Variants in DLG1 observed in about 807,000 individuals in gnomAD.
DLG1 encodes the protein discs large MAGUK scaffold protein 1, also known as disks large homolog 1.
DLG1 carries 42 observed loss-of-function variants against 123.4 expected under a neutral mutation model. The observed-to-expected ratio is 0.34, with a 90% confidence interval of 0.27 to 0.44. The LOEUF (loss-of-function observed/expected upper bound fraction) is 0.44, where lower values mean the gene tolerates loss of function less well. DLG1 is among the 20% of genes least tolerant of loss of function. The probability of loss-of-function intolerance (pLI) is 1.00; values close to 1 mark genes in which losing one functional copy is unlikely to be tolerated. For missense variants in DLG1, 942 were observed against 1,082.6 expected (o/e 0.87, Z 1.82); for synonymous variants, 317 against 356.2 (o/e 0.89, Z 1.24).
intron 4 of DLG1, among the ~76,000 whole-genome samples, chr3:197,280,949 G>C (rs1768989343): frequency 6.6e-6 from 1 of 151,784 alleles, no homozygotes; most frequent in Non-Finnish European, 1.5e-5. Context: ...ATCTGGTAAG[G>C]GCCTTCTTGT....
intron 15 of DLG1, among the ~76,000 whole-genome samples, chr3:197,088,130 T>C (rs1755507529): frequency 6.6e-6 from 1 of 152,156 alleles, no homozygotes; most frequent in African/African-American, 2.4e-5. Flanking sequence ...TCCCCCCCTT[T>C]ACCCCACTGT....
intron 3 of DLG1, among the ~76,000 whole-genome samples, chr3:197,286,120 A>C (rs1408052590): frequency 6.6e-6 from 1 of 152,210 alleles, no homozygotes; most frequent in Admixed American, 6.5e-5. Flanking sequence ...CCAATCTAAA[A>C]AGGTTACATA....
chr3:197,112,869 T>C (rs1209021295), intron 13 of DLG1, among the ~76,000 whole-genome samples: 1 of 152,192 alleles, frequency 6.6e-6, no homozygotes, highest in Non-Finnish European at 1.5e-5. Flanking sequence ...TTACTGGGAT[T>C]ATAAGCAAGA....
intron 4 of DLG1, among the ~76,000 whole-genome samples, chr3:197,224,609 C>T (rs1738825767): frequency 6.6e-6 from 1 of 152,154 alleles, no homozygotes; most frequent in African/African-American, 2.4e-5. Context: ...TTTCTATCAG[C>T]AGCATACTTT....
At chr3:197,089,148 A>C (rs150989761) in intron 15 of DLG1, among the ~76,000 whole-genome samples, 48 of 152,348 alleles carry the variant, frequency 3.2e-4, no homozygotes, top group African/African-American at 1.1e-3. Flanking sequence ...AGGAAAATGG[A>C]GGATGCTTGT....
intron 5 of DLG1, among the ~76,000 whole-genome samples, chr3:197,189,038 C>T (rs545269275): frequency 4.6e-5 from 7 of 152,308 alleles, no homozygotes; most frequent in South Asian, 2.1e-4. Flanking sequence ...ATTCCCCAAA[C>T]GAAACAGTCT....
At chr3:197,187,424 C>T (rs1396034575) in intron 5 of DLG1, among the ~76,000 whole-genome samples, 2 of 152,158 alleles carry the variant, frequency 1.3e-5, no homozygotes, top group African/African-American at 4.8e-5. Flanking sequence ...CTAGTGATTT[C>T]ATTATATTCT....
intron 4 of DLG1, among the ~76,000 whole-genome samples, chr3:197,238,290 A>G (rs983077755): frequency 6.6e-6 from 1 of 152,240 alleles, no homozygotes; most frequent in African/African-American, 2.4e-5. Flanking sequence ...GAATATAAAA[A>G]GACAATCAGG....
intron 13 of DLG1, among the ~76,000 whole-genome samples, chr3:197,109,885 T>C (rs1768833189): frequency 6.6e-6 from 1 of 152,234 alleles, no homozygotes; most frequent in Admixed American, 6.5e-5. Context: ...TGAGGATCCC[T>C]TGCACGTGGT....
intron 3 of DLG1, among the ~76,000 whole-genome samples, chr3:197,286,216 G>T (rs1428503401): frequency 6.6e-6 from 1 of 152,174 alleles, no homozygotes; most frequent in Admixed American, 6.5e-5. Context: ...TTTGTGTGGG[G>T]GGTGTAGAAG....
chr3:197,052,922 T>C lies in DLG1; in HGVS notation c.2484-1254A>G, dbSNP rs559304468. ...AAACTGAAGAAACACAAACAAAACT[T>C]ATGAAATAACCAGCAACATTTGAAC... On this transcript the variant is annotated intron_variant, in intron 23 of 24. Transcript: ENST00000667157. 2.6e-5 allele frequency among the ~76,000 whole-genome samples: 4 copies of C among 152,314 alleles called. No individual in the cohort carries two copies. In the South Asian group the frequency reaches 8.3e-4, roughly 32 times the overall value.
intron 6 of DLG1, among the ~76,000 whole-genome samples, chr3:197,146,486 A>G (rs1790803221): frequency 6.6e-6 from 1 of 152,186 alleles, no homozygotes; most frequent in Admixed American, 6.5e-5. Context: ...AAAACCCAGA[A>G]ATAAAGCCAA....
chr3:197,296,642 TA>T (rs199997900), intron 2 of DLG1, 165 bp from the exon 3 acceptor site: 3,303 of 414,384 alleles, frequency 8.0e-3, no homozygotes, highest in East Asian at 0.012. Context: ...GACCAAAAAA[TA>T]AAAAAAAAAA....
At chr3:197,120,791 T>C (rs989952293) in intron 11 of DLG1, among the ~76,000 whole-genome samples, 12 of 152,204 alleles carry the variant, frequency 7.9e-5, no homozygotes, top group African/African-American at 2.9e-4. Context: ...TATTACAGGT[T>C]TGCAGTATCC....
intron 4 of DLG1, among the ~76,000 whole-genome samples, chr3:197,281,353 T>C (rs1275640119): frequency 6.6e-6 from 1 of 152,172 alleles, no homozygotes; most frequent in South Asian, 2.1e-4. Flanking sequence ...GAGGCTCTTT[T>C]ATAAGGGCCT....
chr3:197,203,210 G>A lies in DLG1; in HGVS notation c.319-8621C>T, dbSNP rs546846048. 1.4e-3 allele frequency among the ~76,000 whole-genome samples: 216 copies of A among 152,240 alleles called. 1 individual carries two copies. Among genetic ancestry groups the A allele is most frequent in the South Asian group, 0.011 (55 of 4,828 alleles). On this transcript the variant is annotated intron_variant, in intron 4 of 24. Transcript: ENST00000667157. ...GCCCGGGAGGTTGAGGCTGCAGTGA[G>A]CCATGATCACACCACTGCCCTCCAG...
intron 22 of DLG1, among the ~76,000 whole-genome samples, chr3:197,060,911 C>T (rs777185734): frequency 6.6e-6 from 1 of 150,780 alleles, no homozygotes; most frequent in Non-Finnish European, 1.5e-5. Flanking sequence ...CTGCAACTTC[C>T]GCCTGCTTCA....
chr3:197,249,033 C>T (rs959965376), intron 4 of DLG1, among the ~76,000 whole-genome samples: 1 of 151,752 alleles, frequency 6.6e-6, no homozygotes, highest in African/African-American at 2.4e-5. Context: ...CCTGAAGGAA[C>T]CAGAAAAGCA....
chr3:197,177,652 A>G (rs1203343554), intron 5 of DLG1, among the ~76,000 whole-genome samples: 1 of 152,128 alleles, frequency 6.6e-6, no homozygotes, highest in Non-Finnish European at 1.5e-5. Flanking sequence ...GTGACCCCAT[A>G]TGCCTCTATT....
Sources: allele counts gnomAD v4.1 joint callset (sites outside exome capture counted in the v4.1 genomes callset), GRCh38; gene constraint gnomAD v4.1.1; transcripts MANE v1.5; gene names NCBI Gene and HGNC (gene_info 2026-07-23, HGNC 2026-07-21).